Variants in LRRC7 observed in about 807,000 individuals in gnomAD.
LRRC7 encodes the protein leucine-rich repeat-containing protein 7.
LRRC7 carries 23 observed loss-of-function variants against 175.7 expected under a neutral mutation model. The ratio of observed to expected loss-of-function variants is 0.13; its 90% CI spans 0.09 to 0.19. The LOEUF is 0.19. LRRC7 is among the 10% of genes least tolerant of loss of function. LRRC7 has a pLI of 1.00. For synonymous variants in LRRC7, 685 were observed against 680.9 expected, an observed-to-expected ratio of 1.01 and a Z score of -0.09; for missense variants, 1,354 against 1,904.7, an observed-to-expected ratio of 0.71 and a Z score of 5.38.
In LRRC7 at chr1:70,076,043, T is replaced by C. The variant is rs958903633; in HGVS notation, c.4231-34T>C. ...CTTTAATCACATCCTTTCAGCACCA[T>C]GAATCTTTGCCTGACAGATTATCTT... is the stretch of plus-strand genomic sequence containing the variant. On this transcript the variant is annotated intron_variant, in intron 23 of 26. Coordinates refer to ENST00000651989, the MANE Select transcript of LRRC7 (RefSeq NM_001370785.2). The C allele has an allele frequency of 2.5e-6, 4 of 1,608,178 alleles. No homozygotes were observed. The African/African-American group carries it at 4.0e-5, about 16-fold the overall frequency.
Position 70,136,721 on chromosome 1 carries a change from CTT to C in LRRC7, c.*14857_*14858del, listed in dbSNP as rs1204650835. 1.7e-3 allele frequency among the ~76,000 whole-genome samples: 168 copies of C among 98,312 alleles called. No individual in the cohort carries two copies. Among genetic ancestry groups the C allele is most frequent in the African/African-American group, 4.5e-3 (104 of 23,370 alleles). The allele number at this position is 98,312 out of a possible 152,430, so 64.5% of individuals were successfully genotyped here. A position where few individuals can be genotyped will look rare whatever the true frequency, so the allele number is the denominator to read the frequency against. Reference sequence around the variant, plus strand: ...TTCTGCTTTATTGCTTTTTTAATGCCTTTTTTTTTTTTTTTTTTTTTTTTCTG... The same window carrying C: ...TTCTGCTTTATTGCTTTTTTAATGCCTTTTTTTTTTTTTTTTTTTTTTCTG... On this transcript the variant is annotated 3_prime_UTR_variant, in exon 27 of 27. Transcript: ENST00000651989.
At chr1:69,834,716 A>ATT in intron 5 of LRRC7, 64 bp from the exon 6 acceptor site, 1 of 1,195,022 alleles carries the variant, frequency 8.4e-7, no homozygotes, top group South Asian at 1.3e-5. Flanking sequence ...AGAGATACAT[A>ATT]TTTTTTTTGT....
At chr1:69,574,969 A>G (rs1458003784) in intron 1 of LRRC7, among the ~76,000 whole-genome samples, 1 of 152,198 alleles carries the variant, frequency 6.6e-6, no homozygotes, top group Non-Finnish European at 1.5e-5. Context: ...CCTTAGGCTA[A>G]TATCGTATTG....
At chr1:69,729,839 C>T (rs1667372541) in intron 2 of LRRC7, among the ~76,000 whole-genome samples, 1 of 152,228 alleles carries the variant, frequency 6.6e-6, no homozygotes, top group Admixed American at 6.5e-5. Flanking sequence ...CCCTTCTGTA[C>T]TGCCCTAGCA....
chr1:70,127,017 A>G lies in LRRC7; in HGVS notation c.*5130A>G, dbSNP rs1343906800. Among the ~76,000 whole-genome samples, 1 of 152,196 alleles carries G rather than the reference A, an allele frequency of 6.6e-6. No individual in the cohort carries two copies. The highest frequency in any genetic ancestry group is 6.5e-5 in the Admixed American group (1 of 15,282). On this transcript the variant is annotated 3_prime_UTR_variant, in exon 27 of 27. Coordinates refer to ENST00000651989, the MANE Select transcript of LRRC7 (RefSeq NM_001370785.2). ...AGCTGTTCGGAGAGCCTTGAGTATC[A>G]ACAGATGGTTACAGCTCCCAATTTG...
Position 70,020,986 on chromosome 1 carries a change from C to T in LRRC7, c.1421-19C>T, listed in dbSNP as rs1657434840. The T allele has an allele frequency of 2.5e-6, 4 of 1,586,466 alleles. No individual in the cohort carries two copies. In the East Asian group the frequency reaches 6.8e-5, roughly 27 times the overall value. On this transcript the variant is annotated intron_variant, in intron 15 of 26. Coordinates refer to ENST00000651989, the MANE Select transcript of LRRC7 (RefSeq NM_001370785.2). ...ATTGTTTTTTAAAAAAACAATAATACTTTGGAATCTAACTGTAGATTTCCA... is the reference window on the plus strand; with the variant it reads ...ATTGTTTTTTAAAAAAACAATAATATTTTGGAATCTAACTGTAGATTTCCA...
intron 25 of LRRC7, among the ~76,000 whole-genome samples, chr1:70,099,099 A>G (rs1421094536): frequency 6.8e-6 from 1 of 147,166 alleles, no homozygotes; most frequent in Non-Finnish European, 1.5e-5. Flanking sequence ...CGAATCCAGC[A>G]GCACATCAAA....
intron 3 of LRRC7, among the ~76,000 whole-genome samples, chr1:69,772,864 C>G (rs542901058): frequency 6.6e-6 from 1 of 151,940 alleles, no homozygotes; most frequent in South Asian, 2.1e-4. Flanking sequence ...GTCATGAAAG[C>G]CAAGAAAAGA....
chr1:69,986,796 TA>T (rs1443806715), intron 10 of LRRC7, among the ~76,000 whole-genome samples: 3 of 152,218 alleles, frequency 2.0e-5, no homozygotes, highest in Admixed American at 6.5e-5. Context: ...AACATTGGTA[TA>T]ATGTAGGAGT....
chr1:69,746,090 C>G (rs1669228378), intron 2 of LRRC7, among the ~76,000 whole-genome samples: 2 of 151,664 alleles, frequency 1.3e-5, no homozygotes, highest in East Asian at 1.9e-4. Context: ...AGTGTATTTT[C>G]TAGGGTAATG....
At chr1:69,651,234 A>G (rs1655782825) in intron 1 of LRRC7, among the ~76,000 whole-genome samples, 1 of 152,194 alleles carries the variant, frequency 6.6e-6, no homozygotes, top group South Asian at 2.1e-4. Flanking sequence ...TATTTTTAAA[A>G]ACATTGTTTT....
rs1474429025 is a variant in LRRC7 at position 70,125,809 on chromosome 1, AAAAG to A, written c.*3924_*3927del. On this transcript the variant is annotated 3_prime_UTR_variant, in exon 27 of 27. Coordinates refer to ENST00000651989, the MANE Select transcript of LRRC7 (RefSeq NM_001370785.2). ...TCCGTCTCAAAAAAAAAAAAAAAAAAAAAGAGAAGATTCAGAGGGGAGAAAACAT... is the reference window on the plus strand; with the variant it reads ...TCCGTCTCAAAAAAAAAAAAAAAAAAAGAAGATTCAGAGGGGAGAAAACAT... Among the ~76,000 whole-genome samples the A allele has an allele frequency of 2.0e-5, 3 of 150,480 alleles. No individual in the cohort carries two copies. The highest frequency in any genetic ancestry group is 3.9e-4 in the East Asian group (2 of 5,178).
rs528789536 is a variant in LRRC7 at position 69,927,016 on chromosome 1, C to A, written c.648-4491C>A. Among the ~76,000 whole-genome samples the A allele has an allele frequency of 4.5e-3, 682 of 152,302 alleles. 3 individuals carry two copies. The highest frequency in any genetic ancestry group is 7.7e-3 in the Non-Finnish European group (526 of 68,020). ...AGGACAGGCCTGGTGGTGACAAAAT[C>A]TCTCAGCATTTGCTTGTCTGTAAAG... is the stretch of plus-strand genomic sequence containing the variant. On this transcript the variant is annotated intron_variant, in intron 7 of 26. Transcript: ENST00000651989.
At chr1:70,072,002 A>G (rs1662426049) in intron 23 of LRRC7, among the ~76,000 whole-genome samples, 1 of 152,192 alleles carries the variant, frequency 6.6e-6, no homozygotes, top group African/African-American at 2.4e-5. Context: ...GCCGTTTGCT[A>G]TCAAATCAAC....
intron 22 of LRRC7, among the ~76,000 whole-genome samples, chr1:70,050,659 T>A (rs939811552): frequency 3.9e-5 from 6 of 152,028 alleles, no homozygotes; most frequent in Non-Finnish European, 7.4e-5. Context: ...GATAGCTTCA[T>A]TTTTTTAACA....
chr1:69,617,301 T>A (rs1320796615), intron 1 of LRRC7, among the ~76,000 whole-genome samples: 1 of 151,998 alleles, frequency 6.6e-6, no homozygotes, highest in Non-Finnish European at 1.5e-5. Context: ...AATGCAAATA[T>A]GTCAGCAAAA....
chr1:69,889,909 CTGTT>C (rs1177769241), intron 7 of LRRC7, among the ~76,000 whole-genome samples: 2 of 152,160 alleles, frequency 1.3e-5, no homozygotes, highest in Non-Finnish European at 2.9e-5. Flanking sequence ...AATTTCCTGT[CTGTT>C]AAAGTTTTAT....
chr1:69,644,076 T>C (rs1250601752), intron 1 of LRRC7, among the ~76,000 whole-genome samples: 4 of 152,144 alleles, frequency 2.6e-5, no homozygotes, highest in African/African-American at 9.6e-5. Flanking sequence ...CAATGTCCTA[T>C]ATATGGTCTA....
At chr1:70,099,117 T>C (rs1187515075) in intron 25 of LRRC7, among the ~76,000 whole-genome samples, 19 of 144,824 alleles carry the variant, frequency 1.3e-4, no homozygotes, top group African/African-American at 3.8e-4. Context: ...AAAAAGCTTA[T>C]CCACCATGAT....
Sources: gnomAD v4.1 joint callset for allele counts (sites outside exome capture counted in the v4.1 genomes callset) on GRCh38, gnomAD v4.1.1 for gene constraint, MANE v1.5 for transcripts, NCBI Gene and HGNC (gene_info 2026-07-23, HGNC 2026-07-21) for gene names.